The following ILF2 variants were observed in gnomAD, a reference collection of about 807,000 sequenced individuals.
The protein encoded by ILF2 is interleukin enhancer-binding factor 2.
A neutral mutation model predicts 55.3 loss-of-function variants in ILF2; 9 were observed. The ratio of observed to expected loss-of-function variants is 0.16; its 90% CI spans 0.10 to 0.28. The LOEUF (loss-of-function observed/expected upper bound fraction) is 0.28, where lower values mean the gene tolerates loss of function less well. Among genes scored for constraint, ILF2 ranks in the 10% least tolerant of loss-of-function variants. ILF2 has a pLI of 1.00. For synonymous variants in ILF2, 151 were observed against 161.8 expected (o/e 0.93, Z 0.50); for missense variants, 266 against 474.9 (o/e 0.56, Z 4.09).
chr1:153,669,525 A>C (rs906878996), intron 3 of ILF2, among the ~76,000 whole-genome samples: 1 of 151,390 alleles, frequency 6.6e-6, no homozygotes, highest in Non-Finnish European at 1.5e-5. Context: ...ATCTTGGTTC[A>C]CTGCAACCTC....
In ILF2 at chr1:153,666,862, C is replaced by T. The variant is rs565910633; in HGVS notation, c.394+693G>A. On this transcript the variant is annotated intron_variant, in intron 6 of 13. Coordinates refer to ENST00000361891, the MANE Select transcript of ILF2 (RefSeq NM_004515.4). Reference sequence around the variant, plus strand: ...TCAGGCAGGGTGCAGTGGCTCACGCCTGTAATCCCAACACTTTGGGAGGCC... The same window carrying T: ...TCAGGCAGGGTGCAGTGGCTCACGCTTGTAATCCCAACACTTTGGGAGGCC... Among the ~76,000 whole-genome samples, 5 of 152,358 alleles carry T rather than the reference C, an allele frequency of 3.3e-5. No homozygotes were observed. In the South Asian group the frequency reaches 6.2e-4, roughly 19 times the overall value.
intron 12 of ILF2, 87 bp downstream of exon 12, chr1:153,662,932 C>T: frequency 3.7e-6 from 5 of 1,356,920 alleles, no homozygotes; most frequent in South Asian, 1.2e-5. Flanking sequence ...ATTCCTGACC[C>T]GTAAAGACCA....
rs1263914970 is a variant in ILF2 at position 153,662,217 on chromosome 1, TG to T, written c.*178del. 2 of 692,002 alleles carry T rather than the reference TG, an allele frequency of 2.9e-6. No homozygotes were observed. The highest frequency in any genetic ancestry group is 3.5e-5 in the African/African-American group (2 of 56,374). The allele number at this position is 692,002 out of a possible 1,614,324, so 42.9% of individuals were successfully genotyped here. A position where few individuals can be genotyped will look rare whatever the true frequency, so the allele number is the denominator to read the frequency against. ...ATAGATGGATGGCATAGGTCACAAATGGGAGACTGGCAGCTAAGCCAATATC... is the reference window on the plus strand; with the variant it reads ...ATAGATGGATGGCATAGGTCACAAATGGAGACTGGCAGCTAAGCCAATATC... On this transcript the variant is annotated 3_prime_UTR_variant, in exon 14 of 14. Transcript: ENST00000361891.
chr1:153,665,204 A>T lies in ILF2; in HGVS notation c.577+16T>A. The T allele has an allele frequency of 2.1e-6, 3 of 1,433,182 alleles. No homozygotes were observed. Among genetic ancestry groups the T allele is most frequent in the Non-Finnish European group, 2.9e-6 (3 of 1,018,344 alleles). 88.8% of individuals were successfully genotyped at this position (1,433,182 alleles called of 1,614,324 possible). A position where few individuals can be genotyped will look rare whatever the true frequency, so the allele number is the denominator to read the frequency against. ...TATCCCCTAAATTTTCCAGCAATGG[A>T]AAAAAAAGAACTAACAATGGAGTTC... On this transcript the variant is annotated intron_variant, in intron 8 of 13. Transcript: ENST00000361891.
Position 153,663,318 on chromosome 1 carries a change from A to C in ILF2, c.745-42T>G, listed in dbSNP as rs774626931. ...CCAGTAGGTGTGCCATCAAAATGGC[A>C]CTTCTGATAACTAGAACTTTATTTT... On this transcript the variant is annotated intron_variant, in intron 10 of 13. Coordinates refer to ENST00000361891, the MANE Select transcript of ILF2 (RefSeq NM_004515.4). 1.4e-5 allele frequency: 21 copies of C among 1,549,832 alleles called. No individual in the cohort carries two copies. In the African/African-American group the frequency reaches 2.2e-4, roughly 16 times the overall value.
chr1:153,664,840 G>A (rs2101713471), intron 8 of ILF2, among the ~76,000 whole-genome samples: 1 of 152,326 alleles, frequency 6.6e-6, no homozygotes, highest in Middle Eastern at 3.4e-3. Flanking sequence ...TTACAGGCGT[G>A]AGCCACCGCA....
chr1:153,667,971 T>G (rs1349876432), intron 5 of ILF2, 29 bp downstream of exon 5: 1 of 1,535,484 alleles, frequency 6.5e-7, no homozygotes, highest in Admixed American at 1.8e-5. Flanking sequence ...AAGCTGCCCT[T>G]TCCTAAAACT....
chr1:153,664,326 A>T, intron 9 of ILF2, 70 bp downstream of exon 9: 1 of 1,279,688 alleles, frequency 7.8e-7, no homozygotes, highest in Non-Finnish European at 1.1e-6. Flanking sequence ...CAGAGGAAGT[A>T]TGGGGGTATC....
At chr1:153,664,171 C>T (rs770898616) in intron 9 of ILF2, 41 bp from the exon 10 acceptor site, 1 of 1,228,950 alleles carries the variant, frequency 8.1e-7, no homozygotes, top group South Asian at 1.3e-5. Context: ...TCAATACGAT[C>T]ATGTATTTCC....
chr1:153,665,508 T>C (rs1051278429), intron 7 of ILF2, 155 bp downstream of exon 7: 12 of 779,856 alleles, frequency 1.5e-5, no homozygotes, highest in African/African-American at 1.4e-4. Context: ...CTTGAACACC[T>C]TGAACACCTG....
chr1:153,662,633 A>G, intron 13 of ILF2, 72 bp downstream of exon 13: 1 of 1,567,338 alleles, frequency 6.4e-7, no homozygotes, highest in South Asian at 1.1e-5. Context: ...AATATTAAAG[A>G]CATTTAAGTA....
intron 6 of ILF2, among the ~76,000 whole-genome samples, chr1:153,666,443 G>A (rs941735869): frequency 6.6e-6 from 1 of 152,172 alleles, no homozygotes; most frequent in African/African-American, 2.4e-5. Context: ...TGGGATTACA[G>A]GCGTGAGCCA....
At chr1:153,663,956 T>G in intron 10 of ILF2, 87 bp downstream of exon 10, 1 of 422,786 alleles carries the variant, frequency 2.4e-6, no homozygotes, top group South Asian at 7.0e-5. Context: ...AATTTCAGAG[T>G]TACTACTACT....
Position 153,664,142 on chromosome 1 carries a change from A to T in ILF2, c.657-12T>A. 7.1e-6 allele frequency: 11 copies of T among 1,545,282 alleles called. No homozygotes were observed. Among genetic ancestry groups the T allele is most frequent in the Non-Finnish European group, 9.8e-6 (11 of 1,119,830 alleles). Reference sequence around the variant, plus strand: ...TGAGAACTTTAACTCTGAAAGTAATAGTGACCCAAACATTAAAATCAATAC... The same window carrying T: ...TGAGAACTTTAACTCTGAAAGTAATTGTGACCCAAACATTAAAATCAATAC... On this transcript the variant is annotated splice_polypyrimidine_tract_variant and intron_variant, in intron 9 of 13. Coordinates refer to ENST00000361891, the MANE Select transcript of ILF2 (RefSeq NM_004515.4).
chr1:153,664,566 G>A lies in ILF2; in HGVS notation c.578-92C>T. The stretch of plus-strand genomic sequence containing the variant: ...CTACAGTCTTAAAAACTTGGAAGGA[G>A]GGCAGGATAGACGGAGTCTCGCTCT... On this transcript the variant is annotated intron_variant, in intron 8 of 13. Transcript: ENST00000361891. 5.0e-6 allele frequency: 5 copies of A among 1,005,940 alleles called. No homozygotes were observed. In the South Asian group the frequency reaches 6.4e-5, roughly 13 times the overall value. 62.3% of individuals were successfully genotyped at this position (1,005,940 alleles called of 1,614,324 possible). A position where few individuals can be genotyped will look rare whatever the true frequency, so the allele number is the denominator to read the frequency against.
chr1:153,670,572 C>G (rs1418739992), intron 1 of ILF2, among the ~76,000 whole-genome samples: 1 of 152,180 alleles, frequency 6.6e-6, no homozygotes, highest in African/African-American at 2.4e-5. Flanking sequence ...GGCCTTCGCA[C>G]TGAGGATGAA....
At position 153,663,104 on chromosome 1, in the gene ILF2, A is replaced by G. The variant is rs1423908383; in HGVS notation, c.836T>C (p.Leu279Pro). 1 of 1,614,144 alleles carries G rather than the reference A, an allele frequency of 6.2e-7. No homozygotes were observed. Among genetic ancestry groups the G allele is most frequent in the East Asian group, 2.2e-5 (1 of 44,882 alleles). Reference sequence around the variant, plus strand: ...GATACCCACTGAACCTGGCAGGAACAGTCCTGCAGCCAGAATCTGCAAGCA... The same window carrying G: ...GATACCCACTGAACCTGGCAGGAACGGTCCTGCAGCCAGAATCTGCAAGCA... ...RRCLQILAAGLFLPGSVGITD... is the reference protein window; with the variant it reads ...RRCLQILAAGPFLPGSVGITD... Residue 279 changes from leucine (L) to proline (P), a missense_variant, in exon 12 of 14, where the codon CTG becomes CCG. Leu to Pro is a moderately conservative substitution (Grantham distance 98). Transcript: ENST00000361891.
At chr1:153,663,334 A>G in intron 10 of ILF2, 58 bp from the exon 11 acceptor site, 2 of 1,498,544 alleles carry the variant, frequency 1.3e-6, no homozygotes, top group Middle Eastern at 1.8e-4. Flanking sequence ...GATAACTAGA[A>G]CTTTATTTTT....
intron 12 of ILF2, 22 bp downstream of exon 12, chr1:153,662,997 C>T (rs778635525): frequency 6.3e-7 from 1 of 1,584,854 alleles, no homozygotes; most frequent in South Asian, 1.1e-5. Flanking sequence ...CAAAACAACT[C>T]AGTTCATATC....
Sources: allele counts gnomAD v4.1 joint callset (sites outside exome capture counted in the v4.1 genomes callset), GRCh38; gene constraint gnomAD v4.1.1; transcripts MANE v1.5; gene names NCBI Gene and HGNC (gene_info 2026-07-23, HGNC 2026-07-21).